Variants in LGR4 observed in about 807,000 individuals in gnomAD.
The protein encoded by LGR4 is leucine-rich repeat-containing G protein-coupled receptor 4.
Under a neutral mutation model 84.8 loss-of-function variants are expected in LGR4, and 44 were observed. That is an observed-to-expected ratio of 0.52 (90% CI 0.41 to 0.67). The LOEUF (loss-of-function observed/expected upper bound fraction) is 0.67, where lower values mean the gene tolerates loss of function less well. Ranked by LOEUF, LGR4 falls within the 30% of genes least tolerant of loss-of-function variation. The pLI is 0.00. For missense variants in LGR4, 1,032 were observed against 1,131.4 expected (o/e 0.91, Z 1.26); for synonymous variants, 429 against 434.3 (o/e 0.99, Z 0.15).
intron 1 of LGR4, among the ~76,000 whole-genome samples, chr11:27,463,868 C>T (rs1451023645): frequency 6.6e-6 from 1 of 152,202 alleles, no homozygotes; most frequent in Non-Finnish European, 1.5e-5. Context: ...TTCTTATGAA[C>T]TCTGATTAAA....
At chr11:27,393,421 C>T (rs1863321434) in intron 2 of LGR4, among the ~76,000 whole-genome samples, 1 of 152,078 alleles carries the variant, frequency 6.6e-6, no homozygotes, top group Non-Finnish European at 1.5e-5. Flanking sequence ...TCCTAAACAG[C>T]TAGATTCTGT....
chr11:27,419,480 C>T (rs922691624), intron 1 of LGR4, among the ~76,000 whole-genome samples: 6 of 151,482 alleles, frequency 4.0e-5, no homozygotes, highest in African/African-American at 1.2e-4. Flanking sequence ...CAAGATGGTA[C>T]AACCACTTTG....
At chr11:27,413,196 A>G (rs1863743707) in intron 1 of LGR4, among the ~76,000 whole-genome samples, 1 of 152,082 alleles carries the variant, frequency 6.6e-6, no homozygotes, top group Admixed American at 6.6e-5. Flanking sequence ...TACCTGATCA[A>G]AATAAACAAA....
Position 27,380,694 on chromosome 11 carries a change from G to T in LGR4, c.848C>A (p.Pro283His). 1 of 1,599,772 alleles carries T rather than the reference G, an allele frequency of 6.3e-7. No individual in the cohort carries two copies. The change falls in exon 9 of 18, where the codon CCT (proline) becomes CAT (histidine). Residue 283 changes from proline (P) to histidine (H), a missense_variant. Pro to His is a moderately conservative substitution (Grantham distance 77). Coordinates refer to ENST00000379214, the MANE Select transcript of LGR4 (RefSeq NM_018490.5). ...TGCTGAGTTCCCCACAAAAGACAGA[G>T]GATTATCATACAAATGTCTGTGAAA... is the stretch of plus-strand genomic sequence containing the variant. ...LLRTIHLYDN[P>H]LSFVGNSAFH... is the part of the protein sequence containing the mutation.
chr11:27,439,002 TACA>T (rs1864256423), intron 1 of LGR4, among the ~76,000 whole-genome samples: 1 of 152,122 alleles, frequency 6.6e-6, no homozygotes, highest in South Asian at 2.1e-4. Context: ...TACCGGCCCC[TACA>T]ACAAGAATTA....
intron 2 of LGR4, among the ~76,000 whole-genome samples, chr11:27,406,234 G>A (rs1248152432): frequency 6.6e-6 from 1 of 152,028 alleles, no homozygotes; most frequent in African/African-American, 2.4e-5. Context: ...TTCCCATAGC[G>A]AGTATACTAT....
intron 1 of LGR4, among the ~76,000 whole-genome samples, chr11:27,462,357 G>A (rs1422151997): frequency 6.6e-6 from 1 of 152,194 alleles, no homozygotes; most frequent in Non-Finnish European, 1.5e-5. Flanking sequence ...AAAAATGTAA[G>A]ATTTCCCTTG....
At chr11:27,373,731 C>G in intron 14 of LGR4, 55 bp from the exon 15 acceptor site, 1 of 1,429,582 alleles carries the variant, frequency 7.0e-7, no homozygotes, top group South Asian at 1.4e-5. Context: ...CACATAAAAA[C>G]ATCTGTACAC....
intron 1 of LGR4, among the ~76,000 whole-genome samples, chr11:27,463,370 T>A (rs2133457106): frequency 6.6e-6 from 1 of 152,104 alleles, no homozygotes; most frequent in South Asian, 2.1e-4. Flanking sequence ...GTAGAAAAAA[T>A]TAAGATGTTT....
chr11:27,472,097 G>A, intron 1 of LGR4, 21 bp downstream of exon 1: 2 of 1,010,658 alleles, frequency 2.0e-6, no homozygotes, highest in East Asian at 4.6e-5. Context: ...CCCCCCTCGC[G>A]TCCCCGCCGC....
At chr11:27,470,272 G>C (rs988015550) in intron 1 of LGR4, among the ~76,000 whole-genome samples, 2 of 152,160 alleles carry the variant, frequency 1.3e-5, no homozygotes, top group Admixed American at 6.5e-5. Context: ...CACCTTCAGT[G>C]AGTTCTACCA....
intron 1 of LGR4, among the ~76,000 whole-genome samples, chr11:27,443,054 T>C (rs1022773584): frequency 1.3e-5 from 2 of 152,168 alleles, no homozygotes; most frequent in African/African-American, 4.8e-5. Flanking sequence ...AGGATGAAAC[T>C]GAGGCTCAGA....
Position 27,373,636 on chromosome 11 carries a change from C to T in LGR4, c.1294G>A (p.Gly432Ser), listed in dbSNP as rs372277318. The change falls in exon 15 of 18, where the codon GGC becomes AGC. Residue 432 changes from glycine to serine, a missense_variant. Physicochemically the swap from Gly to Ser is moderately conservative, Grantham distance 56 (BLOSUM62 0). Coordinates refer to ENST00000379214, the MANE Select transcript of LGR4 (RefSeq NM_018490.5). Reference sequence around the variant, plus strand: ...TTCAGTTGATTTAGCCCATTCAGGCCTTCCGTAGGAAAGGAAGTTAATTCA... The same window carrying T: ...TTCAGTTGATTTAGCCCATTCAGGCTTTCCGTAGGAAAGGAAGTTAATTCA... ...FNELTSFPTEGLNGLNQLKLV... is the reference protein window; with the variant it reads ...FNELTSFPTESLNGLNQLKLV... The T allele has an allele frequency of 1.9e-6, 3 of 1,595,982 alleles. No individual in the cohort carries two copies. In the African/African-American group the frequency reaches 4.0e-5, roughly 21 times the overall value.
intron 2 of LGR4, among the ~76,000 whole-genome samples, chr11:27,407,042 A>T (rs1356908343): frequency 6.6e-6 from 1 of 152,156 alleles, no homozygotes; most frequent in Non-Finnish European, 1.5e-5. Context: ...TATAGAAGAG[A>T]TGACATTGAA....
intron 7 of LGR4, among the ~76,000 whole-genome samples, chr11:27,381,502 T>A (rs371598611): frequency 1.3e-5 from 2 of 152,108 alleles, no homozygotes; most frequent in East Asian, 1.9e-4. Context: ...GGCAACATGA[T>A]GAAACCCTAT....
At chr11:27,461,761 T>C (rs1272419860) in intron 1 of LGR4, among the ~76,000 whole-genome samples, 9 of 150,186 alleles carry the variant, frequency 6.0e-5, no homozygotes, top group African/African-American at 2.0e-4. Flanking sequence ...TATGTCCACA[T>C]GGAAAGAAAG....
rs1431640454 is a variant in LGR4, at chr11:27,380,350, T to C, written c.903-11A>G. On this transcript the variant is annotated splice_polypyrimidine_tract_variant and intron_variant, in intron 9 of 17. Coordinates refer to ENST00000379214, the MANE Select transcript of LGR4 (RefSeq NM_018490.5). The stretch of plus-strand genomic sequence containing the variant: ...GCACCACGAATGACTCTTTATGAAA[T>C]TGAGAAAGACAAGGTAATTTTTAAA... 3.1e-6 allele frequency: 5 copies of C among 1,596,716 alleles called. No homozygotes were observed. The highest frequency in any genetic ancestry group is 3.4e-6 in the Non-Finnish European group (4 of 1,169,638).
chr11:27,451,344 C>A (rs1864477680), intron 1 of LGR4, among the ~76,000 whole-genome samples: 1 of 152,126 alleles, frequency 6.6e-6, no homozygotes, highest in Non-Finnish European at 1.5e-5. Flanking sequence ...AAATTATGGT[C>A]CAAAGACAGC....
intron 1 of LGR4, among the ~76,000 whole-genome samples, chr11:27,426,316 G>A (rs936976045): frequency 2.6e-5 from 4 of 152,304 alleles, no homozygotes; most frequent in Admixed American, 6.5e-5. Context: ...GCAGGAAAGA[G>A]AGTAAGGTTT....
Sources: gnomAD v4.1 joint callset for allele counts (sites outside exome capture counted in the v4.1 genomes callset) on GRCh38, gnomAD v4.1.1 for gene constraint, MANE v1.5 for transcripts, NCBI Gene and HGNC (gene_info 2026-07-23, HGNC 2026-07-21) for gene names.